Variants in DNAJC8 observed in about 807,000 individuals in gnomAD.
The protein encoded by DNAJC8 is dnaJ homolog subfamily C member 8.
A neutral mutation model predicts 43.2 loss-of-function variants in DNAJC8; 24 were observed. That is an observed-to-expected ratio of 0.56 (90% CI 0.40 to 0.78). DNAJC8 has a LOEUF of 0.78. DNAJC8 is among the 30% of genes least tolerant of loss of function. The pLI is 0.00. For synonymous variants in DNAJC8, 83 were observed against 98.0 expected, an observed-to-expected ratio of 0.85 and a Z score of 0.90; for missense variants, 207 against 299.4, an observed-to-expected ratio of 0.69 and a Z score of 2.28.
Position 28,200,430 on chromosome 1 carries a change from A to G in DNAJC8, c.*818T>C, listed in dbSNP as rs1646725279. On this transcript the variant is annotated 3_prime_UTR_variant, in exon 9 of 9. Coordinates refer to ENST00000263697, the MANE Select transcript of DNAJC8 (RefSeq NM_014280.3). ...CCTAAAAGCTGCTGCAGTAATTCAT[A>G]TTCCCATTTCATAGATGAAGAAACT... 2.2e-6 allele frequency: 1 copy of G among 454,396 alleles called. No individual in the cohort carries two copies. Among genetic ancestry groups the G allele is most frequent in the Admixed American group, 2.4e-5 (1 of 42,038 alleles). The allele number at this position is 454,396 out of a possible 1,614,324, so 28.1% of individuals were successfully genotyped here. A position where few individuals can be genotyped will look rare whatever the true frequency, so the allele number is the denominator to read the frequency against.
chr1:28,209,103 GA>G (rs1361988519), intron 5 of DNAJC8, among the ~76,000 whole-genome samples: 2 of 152,152 alleles, frequency 1.3e-5, no homozygotes, highest in Non-Finnish European at 2.9e-5. Context: ...AAAGACATAC[GA>G]AGCCACAATG....
chr1:28,210,325 GA>G (rs998157280), intron 4 of DNAJC8: 99 of 554,202 alleles, frequency 1.8e-4, no homozygotes, highest in Admixed American at 1.7e-3. Context: ...TATGTTCAAA[GA>G]AAAAAAATGA....
intron 3 of DNAJC8, among the ~76,000 whole-genome samples, chr1:28,211,556 C>T (rs1213881957): frequency 6.6e-6 from 1 of 152,172 alleles, no homozygotes; most frequent in Non-Finnish European, 1.5e-5. Flanking sequence ...AAAAGAACTC[C>T]TAATCTAAAG....
At chr1:28,214,452 T>A (rs1207084469) in intron 3 of DNAJC8, among the ~76,000 whole-genome samples, 1 of 152,150 alleles carries the variant, frequency 6.6e-6, no homozygotes, top group Non-Finnish European at 1.5e-5. Context: ...GAGAACTGCT[T>A]GAACCCAGGA....
chr1:28,214,281 T>C (rs1448943541), intron 3 of DNAJC8, among the ~76,000 whole-genome samples: 5 of 151,982 alleles, frequency 3.3e-5, no homozygotes, highest in Non-Finnish European at 7.4e-5. Context: ...CACCGGTAAT[T>C]CCTGCATTTT....
chr1:28,206,764 A>G lies in DNAJC8; in HGVS notation c.472-1415T>C, dbSNP rs183073322. On this transcript the variant is annotated intron_variant, in intron 6 of 8. Transcript: ENST00000263697. ...CTGTCATGCATATTTAATAGTGCCT[A>G]AATTCTAAAATCAGACACTGGAGCA... Among the ~76,000 whole-genome samples, 645 of 152,368 alleles carry G rather than the reference A, an allele frequency of 4.2e-3. 2 individuals carry two copies. Among genetic ancestry groups the G allele is most frequent in the Non-Finnish European group, 6.5e-3 (439 of 68,038 alleles).
chr1:28,212,456 G>A (rs1290786457), intron 3 of DNAJC8, among the ~76,000 whole-genome samples: 1 of 149,764 alleles, frequency 6.7e-6, no homozygotes, highest in Admixed American at 6.7e-5. Context: ...GTTGTTTTTC[G>A]TTTTTTGTAG....
At chr1:28,211,791 G>A (rs1163467530) in intron 3 of DNAJC8, among the ~76,000 whole-genome samples, 1 of 152,092 alleles carries the variant, frequency 6.6e-6, no homozygotes, top group Non-Finnish European at 1.5e-5. Flanking sequence ...ACAAGCTGAA[G>A]TATTTAGGGG....
At position 28,208,162 on chromosome 1, in the gene DNAJC8, C is replaced by T. The variant is rs187274076; in HGVS notation, c.471+180G>A. 1.6e-3 allele frequency among the ~76,000 whole-genome samples: 244 copies of T among 152,210 alleles called. 1 individual carries two copies. Among genetic ancestry groups the T allele is most frequent in the African/African-American group, 5.3e-3 (219 of 41,530 alleles). Reference sequence around the variant, plus strand: ...CAGAGGTTGCAGTGAGCCGAGATCGCGCCATTGCCCTCCAGCCTGGGCAAC... The same window carrying T: ...CAGAGGTTGCAGTGAGCCGAGATCGTGCCATTGCCCTCCAGCCTGGGCAAC... On this transcript the variant is annotated intron_variant, in intron 6 of 8. Coordinates refer to ENST00000263697, the MANE Select transcript of DNAJC8 (RefSeq NM_014280.3).
At chr1:28,228,547 C>T (rs561558647) in intron 2 of DNAJC8, among the ~76,000 whole-genome samples, 10 of 152,074 alleles carry the variant, frequency 6.6e-5, no homozygotes, top group Non-Finnish European at 1.3e-4. Context: ...ATACAGGTTA[C>T]ATATCCCTAA....
At position 28,202,839 on chromosome 1, in the gene DNAJC8, C is replaced by T. The variant is rs140866364; in HGVS notation, c.639+908G>A. ...CCTCATGATCTGCCCGCCTTGGCCT[C>T]CCAAAGTGCTGGGATTACAGGCTTG... is the stretch of plus-strand genomic sequence containing the variant. On this transcript the variant is annotated intron_variant, in intron 8 of 8. Coordinates refer to ENST00000263697, the MANE Select transcript of DNAJC8 (RefSeq NM_014280.3). Among the ~76,000 whole-genome samples the T allele has an allele frequency of 6.2e-3, 938 of 152,248 alleles. 11 individuals are homozygous for T. Among genetic ancestry groups the T allele is most frequent in the African/African-American group, 0.021 (877 of 41,550 alleles).
intron 2 of DNAJC8, among the ~76,000 whole-genome samples, chr1:28,223,554 A>G (rs506578): frequency 0.3 from 45,605 of 151,782 alleles, 7,188 homozygotes; most frequent in African/African-American, 0.37. Flanking sequence ...CAGAGAGATC[A>G]ATTAAGTAAA....
At chr1:28,207,124 T>TC (rs1557705982) in intron 6 of DNAJC8, among the ~76,000 whole-genome samples, 1 of 151,258 alleles carries the variant, frequency 6.6e-6, no homozygotes, top group East Asian at 1.9e-4. Flanking sequence ...ACGCCTGTAA[T>TC]CCCAGCACTT....
intron 5 of DNAJC8, 31 bp downstream of exon 5, chr1:28,209,941 C>T: frequency 6.2e-7 from 1 of 1,603,070 alleles, no homozygotes; most frequent in Non-Finnish European, 8.5e-7. Context: ...CTGATACTTC[C>T]TGTAAACACA....
rs114864638 is a variant in DNAJC8, at chr1:28,219,606, A to G, written c.181-4610T>C. On this transcript the variant is annotated intron_variant, in intron 2 of 8. Coordinates refer to ENST00000263697, the MANE Select transcript of DNAJC8 (RefSeq NM_014280.3). ...ACTGTATGCTGGATAAAGTAACTTGATGTGGTTTTCCTATGGCTAAAGTTT... is the reference window on the plus strand; with the variant it reads ...ACTGTATGCTGGATAAAGTAACTTGGTGTGGTTTTCCTATGGCTAAAGTTT... Among the ~76,000 whole-genome samples, 1,394 of 152,254 alleles carry G rather than the reference A, an allele frequency of 9.2e-3. 24 individuals are homozygous for G. Among genetic ancestry groups the G allele is most frequent in the African/African-American group, 0.031 (1,277 of 41,534 alleles).
At chr1:28,218,177 C>T (rs1646873360) in intron 2 of DNAJC8, among the ~76,000 whole-genome samples, 1 of 149,962 alleles carries the variant, frequency 6.7e-6, no homozygotes, top group Admixed American at 6.7e-5. Flanking sequence ...CTCACTGCAA[C>T]CTCCGCCTCT....
chr1:28,209,880 G>A, intron 5 of DNAJC8, 92 bp downstream of exon 5: 2 of 1,108,120 alleles, frequency 1.8e-6, no homozygotes, highest in Non-Finnish European at 1.3e-6. Context: ...GGTTGTGCCA[G>A]TAGGCATTAC....
At chr1:28,202,720 A>C (rs913948819) in intron 8 of DNAJC8, among the ~76,000 whole-genome samples, 1 of 150,208 alleles carries the variant, frequency 6.7e-6, no homozygotes, top group African/African-American at 2.5e-5. Context: ...AGCTGAGACT[A>C]CAGGTGCCAG....
At chr1:28,231,857 T>A (rs1307092383) in intron 1 of DNAJC8, among the ~76,000 whole-genome samples, 1 of 151,810 alleles carries the variant, frequency 6.6e-6, no homozygotes, top group Non-Finnish European at 1.5e-5. Flanking sequence ...AAGCTCTGCC[T>A]CCCGGGTTCA....
Sources: allele counts gnomAD v4.1 joint callset (sites outside exome capture counted in the v4.1 genomes callset), GRCh38; gene constraint gnomAD v4.1.1; transcripts MANE v1.5; gene names NCBI Gene and HGNC (gene_info 2026-07-23, HGNC 2026-07-21).